Variants in RAPGEF1 observed in about 807,000 individuals in gnomAD.
The protein encoded by RAPGEF1 is Rap guanine nucleotide exchange factor 1.
RAPGEF1 carries 33 observed loss-of-function variants against 143.3 expected under a neutral mutation model. The observed-to-expected ratio is 0.23, with a 90% CI of 0.17 to 0.31. The LOEUF is 0.31. Ranked by LOEUF, RAPGEF1 falls within the 10% of genes least tolerant of loss-of-function variation. The probability of loss-of-function intolerance (pLI) is 1.00; values close to 1 mark genes in which losing one functional copy is unlikely to be tolerated. For missense variants in RAPGEF1, 1,199 were observed against 1,645.4 expected (o/e 0.73, Z 4.69); for synonymous variants, 629 against 676.5 (o/e 0.93, Z 1.09).
Position 131,629,163 on chromosome 9 carries a change from T to C in RAPGEF1, c.832A>G (p.Thr278Ala), listed in dbSNP as rs1333215645. 6.2e-7 allele frequency: 1 copy of C among 1,614,026 alleles called. No individual in the cohort carries two copies. Among genetic ancestry groups the C allele is most frequent in the South Asian group, 1.1e-5 (1 of 91,090 alleles). Residue 278 changes from threonine (T) to alanine (A), a missense_variant, in exon 7 of 27, where the codon ACG becomes GCG. Coordinates refer to ENST00000683357, the MANE Select transcript of RAPGEF1 (RefSeq NM_001377935.1). ...TTGGGGGGCGCGACCTCTTCATCCG[T>C]GGCATCTGGGAGGAGCTCAGTTGAC... ...SQSTELLPDA[T>A]DEEVAPPKPP...
rs1327891145 is a variant in RAPGEF1 at position 131,675,059 on chromosome 9, C to A, written c.62-24110G>T. Among the ~76,000 whole-genome samples, 2 of 152,050 alleles carry A rather than the reference C, an allele frequency of 1.3e-5. No individual in the cohort carries two copies. ...AGGGAGGGAGCAGAGAGAAGGCGAG[C>A]GTCATAGCCCTTTCCACAGAGGGTG... On this transcript the variant is annotated intron_variant, in intron 1 of 26. Transcript: ENST00000683357. This position sits in a 1 kb window ranked among gnomAD's most constrained non-coding sequence, Gnocchi z 4.6.
chr9:131,702,258 A>G (rs1564182460), intron 1 of RAPGEF1, among the ~76,000 whole-genome samples: 1 of 152,148 alleles, frequency 6.6e-6, no homozygotes, highest in African/African-American at 2.4e-5. Context: ...ATGTGAAGAA[A>G]CTCAAGTATT....
chr9:131,586,606 TCAAA>T (rs1160307618), intron 22 of RAPGEF1, among the ~76,000 whole-genome samples: 1 of 79,450 alleles, frequency 1.3e-5, no homozygotes, highest in Admixed American at 1.3e-4. Context: ...AGACTCCGTC[TCAAA>T]CACACACACA....
rs761441085 is a variant in RAPGEF1 at position 131,650,880 on chromosome 9, T to C, written c.131A>G (p.Lys44Arg). ...LMDKFHSPKI[K>R]RTPSKKGKPA... ...TTTTCCCTTCTTTGATGGCGTTCTC[T>C]TGATTTTGGGTGAGTGGAATTTGTC... Residue 44 changes from lysine to arginine, a missense_variant, in exon 2 of 27, where the codon AAG (lysine) becomes AGG (arginine). This residue lies in a region of RAPGEF1 where 613 missense variants were observed against 710.9 expected (regional missense o/e 0.86). Transcript: ENST00000683357. This position sits in a 1 kb window ranked among gnomAD's most constrained non-coding sequence, Gnocchi z 4.7. 14 of 1,613,928 alleles carry C rather than the reference T, an allele frequency of 8.7e-6. No individual in the cohort carries two copies. The South Asian group carries it at 1.1e-4, about 13-fold the overall frequency.
chr9:131,648,387 A>T (rs1461112385), intron 3 of RAPGEF1, among the ~76,000 whole-genome samples: 5 of 152,026 alleles, frequency 3.3e-5, no homozygotes, highest in Admixed American at 3.3e-4. Flanking sequence ...TGAGACTCTT[A>T]TCTCAAAACA....
In RAPGEF1 at chr9:131,730,697, C is replaced by CAAAAA. The variant is rs56044744; in HGVS notation, c.61+9068_61+9072dup. The stretch of plus-strand genomic sequence containing the variant: ...GCAACAGCAGAGTGAGACTCCATCT[C>CAAAAA]AAAAAAAAAAAAAAAAAAAAAGAAG... On this transcript the variant is annotated intron_variant, in intron 1 of 26. Coordinates refer to ENST00000683357, the MANE Select transcript of RAPGEF1 (RefSeq NM_001377935.1). 3.9e-3 allele frequency among the ~76,000 whole-genome samples: 311 copies of CAAAAA among 80,342 alleles called. 10 individuals carry two copies. Among genetic ancestry groups the CAAAAA allele is most frequent in the African/African-American group, 0.014 (289 of 20,832 alleles). The allele number at this position is 80,342 out of a possible 152,430, so 52.7% of individuals were successfully genotyped here. A position where few individuals can be genotyped will look rare whatever the true frequency, so the allele number is the denominator to read the frequency against.
At chr9:131,671,044 T>G (rs558457137) in intron 1 of RAPGEF1, among the ~76,000 whole-genome samples, 1 of 152,302 alleles carries the variant, frequency 6.6e-6, no homozygotes, top group Admixed American at 6.5e-5. Context: ...ATTACCTCTC[T>G]CATTTAACAC....
At position 131,621,314 on chromosome 9, in the gene RAPGEF1, TG is replaced by T. The variant is rs1254164630; in HGVS notation, c.1905+481del. On this transcript the variant is annotated intron_variant, in intron 11 of 26. Coordinates refer to ENST00000683357, the MANE Select transcript of RAPGEF1 (RefSeq NM_001377935.1). The surrounding 1 kb of genome is among the most constrained non-coding windows in gnomAD (Gnocchi z 4.5). ...AGCCATCCTCCACTTCAATGGCACT[TG>T]TTTTCCTTGGGCCCTCCCCGGCCAA... Among the ~76,000 whole-genome samples the T allele has an allele frequency of 2.6e-5, 4 of 152,194 alleles. No individual in the cohort carries two copies. Among genetic ancestry groups the T allele is most frequent in the Non-Finnish European group, 5.9e-5 (4 of 68,018 alleles).
chr9:131,707,796 T>G (rs187988465), intron 1 of RAPGEF1, among the ~76,000 whole-genome samples: 7 of 152,334 alleles, frequency 4.6e-5, no homozygotes, highest in Non-Finnish European at 8.8e-5. Context: ...ATTATGATTT[T>G]AGAGAGTAAA....
intron 1 of RAPGEF1, among the ~76,000 whole-genome samples, chr9:131,681,987 C>T (rs1031515050): frequency 2.6e-5 from 4 of 152,150 alleles, no homozygotes; most frequent in South Asian, 2.1e-4. Flanking sequence ...GGCTGCTCTG[C>T]GACCTATCAG....
rs1228127493 is a variant in RAPGEF1 at position 131,589,964 on chromosome 9, G to T, written c.2789C>A (p.Ser930Tyr). Reference sequence around the variant, plus strand: ...CTTCTTGAATGTGTCGGCAAAGGGAGAGAATTTCTCATATGTGGAGCACGG... The same window carrying T: ...CTTCTTGAATGTGTCGGCAAAGGGATAGAATTTCTCATATGTGGAGCACGG... Reference protein sequence around the residue: ...KKLQYRYEKFSPFADTFKKRV... With the variant: ...KKLQYRYEKFYPFADTFKKRV... The change falls in exon 19 of 27, where the codon TCT (serine) becomes TAT (tyrosine). Residue 930 changes from serine (S) to tyrosine (Y), a missense_variant. Around this residue, in one of 6 missense-constraint regions of RAPGEF1, gnomAD observed 209 missense variants for 403.0 expected, o/e 0.52. Coordinates refer to ENST00000683357, the MANE Select transcript of RAPGEF1 (RefSeq NM_001377935.1). The T allele has an allele frequency of 6.2e-7, 1 of 1,613,552 alleles. No homozygotes were observed. The highest frequency in any genetic ancestry group is 1.1e-5 in the South Asian group (1 of 91,044).
At position 131,590,245 on chromosome 9, in the gene RAPGEF1, G is replaced by A. The variant is rs575847356; in HGVS notation, c.2775-267C>T. Among the ~76,000 whole-genome samples the A allele has an allele frequency of 2.2e-4, 34 of 152,224 alleles. No homozygotes were observed. In the South Asian group the frequency reaches 5.8e-3, roughly 26 times the overall value. ...CATCTCCGCTGCACTGTCCAGACCC[G>A]CCTTTCCATCGGGTTCACCCCGAGG... On this transcript the variant is annotated intron_variant, in intron 18 of 26. Coordinates refer to ENST00000683357, the MANE Select transcript of RAPGEF1 (RefSeq NM_001377935.1).
intron 11 of RAPGEF1, 139 bp from the exon 12 acceptor site, chr9:131,619,345 G>A: frequency 1.4e-6 from 1 of 727,274 alleles, no homozygotes; most frequent in Non-Finnish European, 2.0e-6. Context: ...TGGCTTCTGG[G>A]CCCAGTTCAG....
At chr9:131,709,848 C>T in intron 1 of RAPGEF1, 3 of 1,428,894 alleles carry the variant, frequency 2.1e-6, no homozygotes, top group Non-Finnish European at 2.7e-6. Context: ...ATCTCATTCT[C>T]AAGTCTTTGC....
intron 1 of RAPGEF1, among the ~76,000 whole-genome samples, chr9:131,719,725 G>C (rs1350162917): frequency 6.6e-6 from 1 of 151,802 alleles, no homozygotes; most frequent in Non-Finnish European, 1.5e-5. Context: ...TACTGTTACT[G>C]TTCTCATTCT....
intron 12 of RAPGEF1, among the ~76,000 whole-genome samples, chr9:131,609,228 A>G (rs751503537): frequency 9.9e-5 from 15 of 152,172 alleles, no homozygotes; most frequent in Non-Finnish European, 2.1e-4. Flanking sequence ...GCTTCCTGCT[A>G]GGCAGATGTA....
At chr9:131,612,607 T>C (rs1958199431) in intron 12 of RAPGEF1, among the ~76,000 whole-genome samples, 1 of 152,104 alleles carries the variant, frequency 6.6e-6, no homozygotes, top group African/African-American at 2.4e-5. Flanking sequence ...AGCTGGGCCT[T>C]TCTCTATAGG....
In RAPGEF1 at chr9:131,645,011, G is replaced by A. The variant is rs142998786; in HGVS notation, c.316-1594C>T. Among the ~76,000 whole-genome samples the A allele has an allele frequency of 8.4e-4, 128 of 152,310 alleles. 1 individual carries two copies. Among genetic ancestry groups the A allele is most frequent in the Non-Finnish European group, 2.8e-4 (19 of 68,036 alleles). ...CTAGAAGACACAATTCTCCCATGGTGGGGGAAGTGCCCTTCCTCATCCCCA... is the reference window on the plus strand; with the variant it reads ...CTAGAAGACACAATTCTCCCATGGTAGGGGAAGTGCCCTTCCTCATCCCCA... On this transcript the variant is annotated intron_variant, in intron 3 of 26. Coordinates refer to ENST00000683357, the MANE Select transcript of RAPGEF1 (RefSeq NM_001377935.1).
chr9:131,588,732 G>A (rs2132238608), intron 20 of RAPGEF1, 69 bp downstream of exon 20: 1 of 1,462,502 alleles, frequency 6.8e-7, no homozygotes, highest in East Asian at 2.4e-5. Flanking sequence ...GGCTGGCAGG[G>A]AGGGAGGGTA....
Sources: gnomAD v4.1 joint callset for allele counts (sites outside exome capture counted in the v4.1 genomes callset) on GRCh38, gnomAD v4.1.1 for gene constraint, gnomAD v4.1.1 regional missense constraint, Gnocchi (gnomAD v3.1) non-coding constraint, MANE v1.5 for transcripts, NCBI Gene and HGNC (gene_info 2026-07-23, HGNC 2026-07-21) for gene names.